The following PAFAH1B1 variants were observed in gnomAD, a reference collection of about 807,000 sequenced individuals.
PAFAH1B1 encodes platelet activating factor acetylhydrolase 1b regulatory subunit 1, also known as platelet-activating factor acetylhydrolase IB subunit beta.
A neutral mutation model predicts 57.5 loss-of-function variants in PAFAH1B1; 2 were observed. That is an observed-to-expected ratio of 0.03 (90% confidence interval 0.01 to 0.11). The LOEUF (loss-of-function observed/expected upper bound fraction) is 0.11. Ranked by LOEUF, PAFAH1B1 falls within the 10% of genes least tolerant of loss-of-function variation. The probability of loss-of-function intolerance (pLI) is 1.00; values close to 1 mark genes in which losing one functional copy is unlikely to be tolerated. For synonymous variants in PAFAH1B1, 152 were observed against 169.6 expected, an observed-to-expected ratio of 0.90 and a Z score of 0.81; for missense variants, 257 against 512.0, an observed-to-expected ratio of 0.50 and a Z score of 4.81.
chr17:2,681,016 C>G (rs1467252405), intron 10 of PAFAH1B1: 1 of 159,110 alleles, frequency 6.3e-6, no homozygotes, highest in African/African-American at 2.4e-5. Context: ...CCCAGGAGTT[C>G]TGGGTTACAG....
At position 2,652,294 on chromosome 17, in the gene PAFAH1B1, A is replaced by C. The variant is rs368886945; in HGVS notation, c.33-13078A>C. Reference sequence around the variant, plus strand: ...GCCGGGCGTGGTGGCGGGTGCCTGTAGTCCCAGCTACTCGGGAGGCTGAGG... The same window carrying C: ...GCCGGGCGTGGTGGCGGGTGCCTGTCGTCCCAGCTACTCGGGAGGCTGAGG... On this transcript the variant is annotated intron_variant, in intron 2 of 10. Transcript: ENST00000397195. Among the ~76,000 whole-genome samples, 5 of 151,964 alleles carry C rather than the reference A, an allele frequency of 3.3e-5. No individual in the cohort carries two copies. In the East Asian group the frequency reaches 7.7e-4, roughly 23 times the overall value.
chr17:2,605,059 A>G (rs1567524028), intron 1 of PAFAH1B1, among the ~76,000 whole-genome samples: 1 of 152,196 alleles, frequency 6.6e-6, no homozygotes, highest in Non-Finnish European at 1.5e-5. Context: ...GAGATGATGT[A>G]TATTTTGGAG....
At chr17:2,629,479 T>C (rs1169216945) in intron 1 of PAFAH1B1, among the ~76,000 whole-genome samples, 1 of 152,218 alleles carries the variant, frequency 6.6e-6, no homozygotes, top group Non-Finnish European at 1.5e-5. Flanking sequence ...ATTTCAATTT[T>C]CTTAAATTTA....
chr17:2,673,942 C>G, intron 7 of PAFAH1B1, 118 bp from the exon 8 acceptor site: 1 of 718,526 alleles, frequency 1.4e-6, no homozygotes, highest in South Asian at 1.6e-5. Context: ...TTTATTCTGT[C>G]GACTTGCATC....
intron 1 of PAFAH1B1, among the ~76,000 whole-genome samples, chr17:2,612,994 G>A (rs1346733563): frequency 7.5e-6 from 1 of 134,114 alleles, no homozygotes; most frequent in East Asian, 2.2e-4. Context: ...AAAATAAAAT[G>A]TTTTGTAAAA....
chr17:2,640,224 C>T (rs1279380058), intron 2 of PAFAH1B1: 1 of 152,038 alleles, frequency 6.6e-6, no homozygotes, highest in African/African-American at 2.4e-5. Flanking sequence ...TAAATTTAAC[C>T]TTCCATATTC....
chr17:2,638,956 G>T (rs2068659861), intron 2 of PAFAH1B1, among the ~76,000 whole-genome samples: 1 of 151,824 alleles, frequency 6.6e-6, no homozygotes, highest in East Asian at 2.0e-4. Flanking sequence ...CTGGAGTGCA[G>T]TGGCGCAATC....
rs1210438471 is a variant in PAFAH1B1 at position 2,674,280 on chromosome 17, G to A, written c.892G>A (p.Gly298Arg). The change falls in exon 8 of 11, where the codon GGA (glycine) becomes AGA (arginine). Residue 298 changes from glycine to arginine, a missense_variant. By Grantham distance (125) the Gly-to-Arg change is moderately radical (BLOSUM62 -2). Coordinates refer to ENST00000397195, the MANE Select transcript of PAFAH1B1 (RefSeq NM_000430.4). ...ATATTCCTCCATCTCTGAAGCAACA[G>A]GATCTGAGGTACTGTATATACAAAT... Reference protein sequence around the residue: ...SSYSSISEATGSETKKSGKPG... With the variant: ...SSYSSISEATRSETKKSGKPG... 6.2e-7 allele frequency: 1 copy of A among 1,609,192 alleles called. No individual in the cohort carries two copies. Among genetic ancestry groups the A allele is most frequent in the Non-Finnish European group, 8.5e-7 (1 of 1,175,650 alleles).
At chr17:2,636,587 C>G (rs113720059) in intron 1 of PAFAH1B1, among the ~76,000 whole-genome samples, 1 of 152,068 alleles carries the variant, frequency 6.6e-6, no homozygotes, top group Admixed American at 6.6e-5. Flanking sequence ...TTAGTAGAGA[C>G]GAGATTTCAC....
intron 2 of PAFAH1B1, among the ~76,000 whole-genome samples, chr17:2,649,094 C>T (rs994624494): frequency 6.6e-6 from 1 of 151,536 alleles, no homozygotes; most frequent in African/African-American, 2.4e-5. Flanking sequence ...ACCTGTAACC[C>T]GAGCACTTTG....
chr17:2,605,587 C>A (rs1347871182), intron 1 of PAFAH1B1, among the ~76,000 whole-genome samples: 1 of 152,160 alleles, frequency 6.6e-6, no homozygotes, highest in Non-Finnish European at 1.5e-5. Context: ...AAGATATTTT[C>A]TGTTCCTTTT....
intron 1 of PAFAH1B1, among the ~76,000 whole-genome samples, chr17:2,595,421 C>CTT (rs71377513): frequency 5.6e-5 from 7 of 124,054 alleles, no homozygotes; most frequent in East Asian, 2.3e-4. Flanking sequence ...GGAGTGTTTG[C>CTT]TTTTTTTTTT....
At chr17:2,610,628 A>G (rs1216018937) in intron 1 of PAFAH1B1, among the ~76,000 whole-genome samples, 1 of 152,194 alleles carries the variant, frequency 6.6e-6, no homozygotes, top group Non-Finnish European at 1.5e-5. Flanking sequence ...TGATGAGCTT[A>G]AAAAAAGTCA....
chr17:2,624,112 T>C (rs575881287), intron 1 of PAFAH1B1, among the ~76,000 whole-genome samples: 1 of 152,310 alleles, frequency 6.6e-6, no homozygotes, highest in East Asian at 1.9e-4. Flanking sequence ...TGCTAAAACA[T>C]AATAAGAGTC....
At position 2,593,764 on chromosome 17, in the gene PAFAH1B1, G is replaced by T; in HGVS notation, c.-433G>T. The T allele has an allele frequency of 2.6e-6, 1 of 389,990 alleles. No homozygotes were observed. The highest frequency in any genetic ancestry group is 4.5e-6 in the Non-Finnish European group (1 of 220,740). 24.2% of individuals were successfully genotyped at this position (389,990 alleles called of 1,614,324 possible). A position where few individuals can be genotyped will look rare whatever the true frequency, so the allele number is the denominator to read the frequency against. On this transcript the variant is annotated 5_prime_UTR_variant, in exon 1 of 11. Coordinates refer to ENST00000397195, the MANE Select transcript of PAFAH1B1 (RefSeq NM_000430.4). The stretch of plus-strand genomic sequence containing the variant: ...CTAGGGAGCGAGAAGGAGAAGGAGG[G>T]GAGCGCTCGGGCGCGAGCGAGAGAA...
chr17:2,660,022 T>G (rs2068993868), intron 2 of PAFAH1B1, among the ~76,000 whole-genome samples: 1 of 152,084 alleles, frequency 6.6e-6, no homozygotes, highest in Non-Finnish European at 1.5e-5. Context: ...AGAGATGTCT[T>G]TTGGAGGAGG....
At chr17:2,604,241 T>C (rs2068179025) in intron 1 of PAFAH1B1, among the ~76,000 whole-genome samples, 1 of 151,862 alleles carries the variant, frequency 6.6e-6, no homozygotes, top group Non-Finnish European at 1.5e-5. Context: ...TTTCACCACA[T>C]TGGCCAGGCT....
At chr17:2,594,301 C>T (rs1352539139) in intron 1 of PAFAH1B1, among the ~76,000 whole-genome samples, 1 of 152,334 alleles carries the variant, frequency 6.6e-6, no homozygotes, top group South Asian at 2.1e-4. Flanking sequence ...CTCTGCGACC[C>T]CCGCCCCGCG....
At chr17:2,601,836 C>T (rs1376283984) in intron 1 of PAFAH1B1, among the ~76,000 whole-genome samples, 1 of 152,216 alleles carries the variant, frequency 6.6e-6, no homozygotes, top group Non-Finnish European at 1.5e-5. Context: ...AAGCCATCTG[C>T]TCACCTTTAC....
Sources: gnomAD v4.1 joint callset for allele counts (sites outside exome capture counted in the v4.1 genomes callset) on GRCh38, gnomAD v4.1.1 for gene constraint, MANE v1.5 for transcripts, NCBI Gene and HGNC (gene_info 2026-07-23, HGNC 2026-07-21) for gene names.